TENM1: variants seen among roughly 807,000 people sequenced by gnomAD.
TENM1 encodes teneurin-1.
In TENM1, 35 loss-of-function variants were observed where a neutral mutation model predicts 174.8. The ratio of observed to expected loss-of-function variants is 0.20; its 90% CI spans 0.15 to 0.27. TENM1 has a LOEUF of 0.27. Ranked by LOEUF, TENM1 falls within the 10% of genes least tolerant of loss-of-function variation. TENM1 has a pLI of 1.00. For synonymous variants in TENM1, 781 were observed against 798.7 expected (o/e 0.98, Z 0.37); for missense variants, 1,633 against 2,130.1 (o/e 0.77, Z 4.59).
intron 3 of TENM1, among the ~76,000 whole-genome samples, chrX:124,862,405 C>T (rs769831521): frequency 8.9e-6 from 1 of 111,832 alleles, no homozygotes; most frequent in African/African-American, 3.3e-5. Context: ...CCCCCTCCCC[C>T]CATTGCCCGT....
chrX:124,940,600 C>T (rs2058311697), intron 1 of TENM1, among the ~76,000 whole-genome samples: 1 of 111,219 alleles, frequency 9.0e-6, no homozygotes, highest in South Asian at 3.9e-4. Flanking sequence ...ACTTTCCCTG[C>T]AACCCTACTA....
chrX:124,398,922 A>G (rs1220697715), intron 27 of TENM1, among the ~76,000 whole-genome samples: 1 of 112,554 alleles, frequency 8.9e-6, no homozygotes, highest in African/African-American at 3.2e-5. Flanking sequence ...TTTACATGAC[A>G]TCATAATAAC....
At chrX:124,769,677 T>C (rs769866364) in intron 3 of TENM1, among the ~76,000 whole-genome samples, 73 of 112,259 alleles carry the variant, frequency 6.5e-4, no homozygotes, top group African/African-American at 2.3e-3. Flanking sequence ...TGTATGAAGA[T>C]TTTGCGTAAA....
the TENM1 span, among the ~76,000 whole-genome samples, chrX:125,062,638 A>G: frequency 8.9e-6 from 1 of 112,370 alleles, no homozygotes; most frequent in African/African-American, 3.2e-5. Flanking sequence ...TTACTTTTGA[A>G]CCAGAAATAA....
chrX:125,027,385 C>T, the TENM1 span, among the ~76,000 whole-genome samples: 3 of 110,629 alleles, frequency 2.7e-5, no homozygotes, highest in Non-Finnish European at 3.8e-5. Flanking sequence ...ATGGAGTGAG[C>T]AAAAGTTATT....
the TENM1 span, among the ~76,000 whole-genome samples, chrX:125,010,103 G>T: frequency 9.0e-6 from 1 of 111,405 alleles, no homozygotes; most frequent in Non-Finnish European, 1.9e-5. Flanking sequence ...GTTTGCAAAT[G>T]ACATGATTCT....
chrX:124,999,080 T>C, the TENM1 span, among the ~76,000 whole-genome samples: 1 of 111,314 alleles, frequency 9.0e-6, no homozygotes, highest in African/African-American at 3.3e-5. Flanking sequence ...AGAAATTAGA[T>C]GACTTTTTTT....
chrX:124,579,605 C>A (rs2858409), intron 11 of TENM1, among the ~76,000 whole-genome samples: 43,071 of 110,383 alleles, frequency 0.39, 7,168 homozygotes, highest in East Asian at 0.79. Flanking sequence ...TATTGCATAC[C>A]ATCTTTTATT....
exon 30 of TENM1, chrX:124,384,790 G>C (rs758540926): frequency 8.3e-7 from 1 of 1,210,604 alleles, no homozygotes; most frequent in Non-Finnish European, 1.1e-6. Context: ...TGTAGCTGTA[G>C]TCGAACCGTG....
the TENM1 span, among the ~76,000 whole-genome samples, chrX:125,053,017 A>G: frequency 1.8e-5 from 2 of 112,422 alleles, no homozygotes; most frequent in African/African-American, 6.5e-5. Context: ...TCACCTCACA[A>G]AGTTACCTTT....
At position 124,533,932 on chromosome X, in the gene TENM1, C is replaced by T. The variant is rs182783870; in HGVS notation, c.2652-3949G>A. Among the ~76,000 whole-genome samples the T allele has an allele frequency of 3.9e-4, 43 of 111,348 alleles. 1 individual carries two copies. The highest frequency in any genetic ancestry group is 1.3e-3 in the African/African-American group (40 of 30,658). ...GAGATGGATGCTTTGCTTGGTTGAA[C>T]CTTTGAAAACAAGAACTTCTCCCTG... On this transcript the variant is annotated intron_variant, in intron 15 of 31. Transcript: ENST00000422452.
chrX:124,767,502 C>T (rs142183442), intron 3 of TENM1, among the ~76,000 whole-genome samples: 2,045 of 111,545 alleles, frequency 0.018, 20 homozygotes, highest in Non-Finnish European at 0.029. Context: ...TGCAAAAATA[C>T]ATAATGCAAT....
chrX:124,852,511 A>G (rs2147403174), intron 3 of TENM1, among the ~76,000 whole-genome samples: 1 of 111,260 alleles, frequency 9.0e-6, no homozygotes, highest in African/African-American at 3.3e-5. Flanking sequence ...AAAAATGTAT[A>G]TATCTTGAGA....
chrX:124,930,221 T>C (rs1469492690), intron 1 of TENM1, among the ~76,000 whole-genome samples: 1 of 112,348 alleles, frequency 8.9e-6, no homozygotes, highest in Non-Finnish European at 1.9e-5. Flanking sequence ...AAGAATGTAT[T>C]TCTTTACAGT....
chrX:124,988,406 G>C, the TENM1 span, among the ~76,000 whole-genome samples: 1 of 111,977 alleles, frequency 8.9e-6, no homozygotes, highest in Non-Finnish European at 1.9e-5. Context: ...ATCTATTAAA[G>C]ACATTGAATT....
At chrX:125,092,782 G>A in the TENM1 span, among the ~76,000 whole-genome samples, 3 of 112,303 alleles carry the variant, frequency 2.7e-5, no homozygotes, top group South Asian at 1.1e-3. Context: ...CATTCTTTAT[G>A]ATTCAGTGTT....
chrX:124,839,413 T>C (rs1041530677), intron 3 of TENM1, among the ~76,000 whole-genome samples: 3 of 111,672 alleles, frequency 2.7e-5, no homozygotes, highest in South Asian at 3.7e-4. Context: ...ATGAAGCAAA[T>C]GTGGCCAAAT....
chrX:124,544,385 G>A (rs1254683642), intron 15 of TENM1, among the ~76,000 whole-genome samples: 5 of 112,113 alleles, frequency 4.5e-5, no homozygotes, highest in African/African-American at 1.6e-4. Flanking sequence ...GGGCATCTCT[G>A]TTCTTATTTC....
chrX:124,751,974 C>T (rs752428048), intron 3 of TENM1, among the ~76,000 whole-genome samples: 3 of 110,614 alleles, frequency 2.7e-5, no homozygotes, highest in Admixed American at 9.7e-5. Flanking sequence ...GTCTTTATAG[C>T]GGCATGATTT....
Sources: allele counts gnomAD v4.1 joint callset (sites outside exome capture counted in the v4.1 genomes callset), GRCh38; gene constraint gnomAD v4.1.1; transcripts MANE v1.5; gene names NCBI Gene and HGNC (gene_info 2026-07-23, HGNC 2026-07-21).